The following FBXO31 variants were observed in gnomAD, a reference collection of about 807,000 sequenced individuals.
The protein encoded by FBXO31 is F-box protein 31.
A neutral mutation model predicts 54.4 loss-of-function variants in FBXO31; 24 were observed. The ratio of observed to expected loss-of-function variants is 0.44; its 90% confidence interval spans 0.32 to 0.62. The LOEUF (loss-of-function observed/expected upper bound fraction) is 0.62, where lower values mean the gene tolerates loss of function less well. Ranked by LOEUF, FBXO31 falls within the 20% of genes least tolerant of loss-of-function variation. The pLI is 0.05. For missense variants in FBXO31, 665 were observed against 787.1 expected, an observed-to-expected ratio of 0.84 and a Z score of 1.86; for synonymous variants, 388 against 335.6, an observed-to-expected ratio of 1.16 and a Z score of -1.71.
Position 87,342,928 on chromosome 16 carries a change from G to A in FBXO31, c.681C>T (p.Ser227=), listed in dbSNP as rs267604673. The change falls in exon 5 of 9, where the codon TCC becomes TCT. Residue 227 remains serine, a synonymous_variant. Coordinates refer to ENST00000311635, the MANE Select transcript of FBXO31 (RefSeq NM_024735.5). ...HIQIVKKDEF[S]TKCNQTDHHR... The stretch of plus-strand genomic sequence containing the variant: ...GGTGGTCCGTCTGGTTGCACTTGGT[G>A]GAGAACTCATCCTTCTTCACAATCT... 3.1e-6 allele frequency: 5 copies of A among 1,608,270 alleles called. No individual in the cohort carries two copies. Among genetic ancestry groups the A allele is most frequent in the Non-Finnish European group, 3.4e-6 (4 of 1,177,570 alleles).
intron 1 of FBXO31, among the ~76,000 whole-genome samples, chr16:87,366,586 G>A (rs1225503109): frequency 6.6e-6 from 1 of 152,186 alleles, no homozygotes; most frequent in Non-Finnish European, 1.5e-5. Context: ...GGGGTCACCT[G>A]GAAACAGCCA....
chr16:87,331,869 G>C (rs1268947282), intron 8 of FBXO31, among the ~76,000 whole-genome samples: 2 of 152,204 alleles, frequency 1.3e-5, no homozygotes, highest in Non-Finnish European at 2.9e-5. Context: ...GGCCCAGAGA[G>C]CTCTGTTCCA....
At chr16:87,390,272 C>T (rs902089048), upstream of FBXO31, among the ~76,000 whole-genome samples, 1 of 152,036 alleles carries the variant, frequency 6.6e-6, no homozygotes, top group Admixed American at 6.5e-5. Flanking sequence ...CAGTGCAAGG[C>T]TCTGTCTCAA....
At chr16:87,352,418 G>T (rs957179915) in intron 2 of FBXO31, among the ~76,000 whole-genome samples, 2 of 151,954 alleles carry the variant, frequency 1.3e-5, no homozygotes, top group Non-Finnish European at 2.9e-5. Context: ...AGACTTGTAA[G>T]ATTTTAACCC....
chr16:87,378,672 C>A (rs1383336734), intron 1 of FBXO31, among the ~76,000 whole-genome samples: 1 of 152,126 alleles, frequency 6.6e-6, no homozygotes, highest in African/African-American at 2.4e-5. Flanking sequence ...CAAATATATA[C>A]GCATCCTGGC....
chr16:87,381,069 G>C (rs930801168), intron 1 of FBXO31, among the ~76,000 whole-genome samples: 2 of 152,154 alleles, frequency 1.3e-5, no homozygotes, highest in African/African-American at 2.4e-5. Flanking sequence ...TGGGGAATCT[G>C]AGTCTTACAG....
Position 87,335,583 on chromosome 16 carries a change from G to T in FBXO31, c.843-126C>A. 1.8e-6 allele frequency: 2 copies of T among 1,119,456 alleles called. No individual in the cohort carries two copies. Among genetic ancestry groups the T allele is most frequent in the Non-Finnish European group, 2.5e-6 (2 of 797,578 alleles). The allele number at this position is 1,119,456 out of a possible 1,614,324, so 69.3% of individuals were successfully genotyped here. On this transcript the variant is annotated intron_variant, in intron 6 of 8. Coordinates refer to ENST00000311635, the MANE Select transcript of FBXO31 (RefSeq NM_024735.5). This position sits in a 1 kb window ranked among gnomAD's most constrained non-coding sequence, Gnocchi z 5.7. ...GGGCAGCTCAGCTCAACCAGGGCCA[G>T]GTGTCCACCAGGCCTGTGGGCAGCA...
chr16:87,392,012 C>T, upstream of FBXO31: 1 of 173,640 alleles, frequency 5.8e-6, no homozygotes, highest in Non-Finnish European at 1.2e-5. Context: ...GCGCTGCCAT[C>T]TCCTCAGGGC....
At chr16:87,381,147 G>C (rs1441126673) in intron 1 of FBXO31, among the ~76,000 whole-genome samples, 2 of 152,122 alleles carry the variant, frequency 1.3e-5, no homozygotes, top group South Asian at 2.1e-4. Context: ...AACTGCCTTT[G>C]TCTCAATCTT....
chr16:87,358,279 G>T lies in FBXO31; in HGVS notation c.412+2016C>A, dbSNP rs1442536237. The T allele has an allele frequency of 6.6e-6, 1 of 152,466 alleles. No individual in the cohort carries two copies. The highest frequency in any genetic ancestry group is 1.9e-4 in the East Asian group (1 of 5,186). 9.4% of individuals were successfully genotyped at this position (152,466 alleles called of 1,614,324 possible). A position where few individuals can be genotyped will look rare whatever the true frequency, so the allele number is the denominator to read the frequency against. The stretch of plus-strand genomic sequence containing the variant: ...ACGCTGCAGCAAGTGAACGTGAAAG[G>T]ATGACAAAAAGCCACGAGGTCCGCT... On this transcript the variant is annotated intron_variant, in intron 2 of 8. Coordinates refer to ENST00000311635, the MANE Select transcript of FBXO31 (RefSeq NM_024735.5). The surrounding 1 kb of genome is among the most constrained non-coding windows in gnomAD (Gnocchi z 4.0).
intron 1 of FBXO31, among the ~76,000 whole-genome samples, chr16:87,374,234 T>C (rs1197590220): frequency 6.8e-6 from 1 of 147,994 alleles, no homozygotes; most frequent in Non-Finnish European, 1.5e-5. Context: ...AGAGGCCCTG[T>C]CTCCACAAAA....
chr16:87,338,002 G>T lies in FBXO31; in HGVS notation c.733-1738C>A, dbSNP rs1905083573. Among the ~76,000 whole-genome samples, 1 of 152,090 alleles carries T rather than the reference G, an allele frequency of 6.6e-6. No individual in the cohort carries two copies. The stretch of plus-strand genomic sequence containing the variant: ...TTGAGGAAAGGCTCTTTAAATAACA[G>T]ATAGAAACAAAAGTAACTGAATGTA... On this transcript the variant is annotated intron_variant, in intron 5 of 8. Transcript: ENST00000311635. This position sits in a 1 kb window ranked among gnomAD's most constrained non-coding sequence, Gnocchi z 4.3.
At chr16:87,382,808 T>C (rs1907140987) in intron 1 of FBXO31, among the ~76,000 whole-genome samples, 1 of 152,194 alleles carries the variant, frequency 6.6e-6, no homozygotes, top group African/African-American at 2.4e-5. Context: ...AATTTTTGTA[T>C]TTTTGTAAGT....
intron 5 of FBXO31, among the ~76,000 whole-genome samples, chr16:87,341,098 G>C (rs1905179792): frequency 6.6e-6 from 1 of 152,054 alleles, no homozygotes; most frequent in South Asian, 2.1e-4. Flanking sequence ...CCCCCATCAA[G>C]ATTCCAGCAA....
At chr16:87,355,546 T>G (rs1905854930) in intron 2 of FBXO31, among the ~76,000 whole-genome samples, 1 of 152,240 alleles carries the variant, frequency 6.6e-6, no homozygotes, top group Non-Finnish European at 1.5e-5. Flanking sequence ...ATGCAACCAA[T>G]GTTTAACTGC....
At chr16:87,349,459 G>A (rs1355883689) in intron 2 of FBXO31, among the ~76,000 whole-genome samples, 2 of 152,220 alleles carry the variant, frequency 1.3e-5, no homozygotes, top group Admixed American at 1.3e-4. Context: ...GCTCACGCCT[G>A]TAATCCCAGT....
Position 87,345,335 on chromosome 16 carries a change from G to T in FBXO31, c.490-1570C>A, listed in dbSNP as rs1414976991. ...CAGGAGGGTGCGGGGAGGGCGGGAG[G>T]CAGGGTGGGAGGGAGGGAGGGGAAG... On this transcript the variant is annotated intron_variant, in intron 3 of 8. Coordinates refer to ENST00000311635, the MANE Select transcript of FBXO31 (RefSeq NM_024735.5). The surrounding 1 kb of genome is among the most constrained non-coding windows in gnomAD (Gnocchi z 4.9). 6.8e-6 allele frequency among the ~76,000 whole-genome samples: 1 copy of T among 146,888 alleles called. No homozygotes were observed. Among genetic ancestry groups the T allele is most frequent in the East Asian group, 2.0e-4 (1 of 4,938 alleles).
rs78240823 is a variant in FBXO31 at position 87,335,788 on chromosome 16, G to A, written c.843-331C>T. On this transcript the variant is annotated intron_variant, in intron 6 of 8. Transcript: ENST00000311635. This position sits in a 1 kb window ranked among gnomAD's most constrained non-coding sequence, Gnocchi z 5.7. The stretch of plus-strand genomic sequence containing the variant: ...CCAAGTCACCATGGAGGGGATCCCC[G>A]CACTGGGCTGAGCGGGGCTGAGCTC... 5.2e-3 allele frequency among the ~76,000 whole-genome samples: 797 copies of A among 152,272 alleles called. 5 individuals are homozygous for A. The highest frequency in any genetic ancestry group is 0.018 in the African/African-American group (751 of 41,544).
In FBXO31 at chr16:87,338,499, G is replaced by T. The variant is rs1257725148; in HGVS notation, c.733-2235C>A. Among the ~76,000 whole-genome samples, 1 of 152,156 alleles carries T rather than the reference G, an allele frequency of 6.6e-6. No homozygotes were observed. The highest frequency in any genetic ancestry group is 2.4e-5 in the African/African-American group (1 of 41,498). On this transcript the variant is annotated intron_variant, in intron 5 of 8. Coordinates refer to ENST00000311635, the MANE Select transcript of FBXO31 (RefSeq NM_024735.5). The surrounding 1 kb of genome is among the most constrained non-coding windows in gnomAD (Gnocchi z 4.3). ...GCGGGCCTGAAACACACAGGGGTGGGAAGGGACATGGTGGCTTGCCCTGGC... is the reference window on the plus strand; with the variant it reads ...GCGGGCCTGAAACACACAGGGGTGGTAAGGGACATGGTGGCTTGCCCTGGC...
Sources: allele counts gnomAD v4.1 joint callset (sites outside exome capture counted in the v4.1 genomes callset), GRCh38; gene constraint gnomAD v4.1.1; non-coding constraint Gnocchi (gnomAD v3.1); transcripts MANE v1.5; gene names NCBI Gene and HGNC (gene_info 2026-07-23, HGNC 2026-07-21).